Variants in CFAP47 observed in about 807,000 individuals in gnomAD.
The protein encoded by CFAP47 is cilia and flagella associated protein 47.
In CFAP47, 29 loss-of-function variants were observed where a neutral mutation model predicts 148.1. The observed-to-expected ratio is 0.20, with a 90% CI of 0.15 to 0.27. CFAP47 has a LOEUF of 0.27. Ranked by LOEUF, CFAP47 falls within the 10% of genes least tolerant of loss-of-function variation. The pLI is 1.00. For missense variants in CFAP47, 1,872 were observed against 1,697.5 expected (o/e 1.10, Z -1.81); for synonymous variants, 664 against 577.3 (o/e 1.15, Z -2.15).
chrX:36,228,444 A>G (rs1750291813), intron 45 of CFAP47, among the ~76,000 whole-genome samples, 184 bp from the exon 46 acceptor site: 1 of 110,662 alleles, frequency 9.0e-6, no homozygotes, highest in Non-Finnish European at 1.9e-5. Flanking sequence ...CAGTATATAT[A>G]CTCTAATTGA....
chrX:35,935,631 G>C (rs1935900986), intron 2 of CFAP47, among the ~76,000 whole-genome samples: 1 of 107,066 alleles, frequency 9.3e-6, no homozygotes, highest in African/African-American at 3.5e-5. Context: ...AGGGATGATA[G>C]GTGGAGCCTT....
At chrX:36,183,137 C>G (rs5972027) in intron 40 of CFAP47, among the ~76,000 whole-genome samples, 6,724 of 111,478 alleles carry the variant, frequency 0.06, 548 homozygotes, top group African/African-American at 0.21. Flanking sequence ...TGGTGAAACC[C>G]TGTCTCTACT....
chrX:36,021,461 C>T, intron 22 of CFAP47, among the ~76,000 whole-genome samples: 1 of 110,163 alleles, frequency 9.1e-6, no homozygotes, highest in East Asian at 2.9e-4. Context: ...CACCACCATG[C>T]CTGGCTAATT....
chrX:35,987,925 C>T (rs772366289), intron 15 of CFAP47, among the ~76,000 whole-genome samples: 1 of 111,410 alleles, frequency 9.0e-6, no homozygotes, highest in African/African-American at 3.3e-5. Context: ...GGCTTGCCTT[C>T]TGTGGGCTGC....
intron 28 of CFAP47, 59 bp from the exon 29 acceptor site, chrX:36,073,080 A>G: frequency 1.2e-6 from 1 of 809,636 alleles, no homozygotes; most frequent in Non-Finnish European, 1.8e-6. Context: ...ACAATAACTG[A>G]CAGAATATTT....
intron 48 of CFAP47, among the ~76,000 whole-genome samples, chrX:36,244,074 CAAG>C (rs1417760404): frequency 9.0e-6 from 1 of 111,120 alleles, no homozygotes; most frequent in Non-Finnish European, 1.9e-5. Context: ...AAATTAATAT[CAAG>C]AAGATTTCTC....
intron 56 of CFAP47, among the ~76,000 whole-genome samples, chrX:36,312,541 G>A (rs1204809648): frequency 9.9e-5 from 11 of 111,451 alleles, no homozygotes; most frequent in Non-Finnish European, 1.3e-4. Context: ...CATACAAGGC[G>A]TATCAATGGA....
chrX:36,173,560 C>G (rs188572240), intron 39 of CFAP47, among the ~76,000 whole-genome samples: 143 of 111,693 alleles, frequency 1.3e-3, no homozygotes, highest in Non-Finnish European at 2.5e-3. Context: ...GTTATGTACT[C>G]AGTAGTCATT....
chrX:36,042,529 C>G (rs763070854), intron 25 of CFAP47, among the ~76,000 whole-genome samples: 4 of 109,780 alleles, frequency 3.6e-5, no homozygotes, highest in Admixed American at 9.8e-5. Context: ...TAAATTACTA[C>G]TTATAATAAC....
At chrX:36,062,224 A>T (rs1342720205) in intron 26 of CFAP47, among the ~76,000 whole-genome samples, 2 of 111,712 alleles carry the variant, frequency 1.8e-5, no homozygotes, top group Non-Finnish European at 3.8e-5. Flanking sequence ...GATGATAAAT[A>T]TAATATCATG....
chrX:36,304,482 A>G (rs1273156388), intron 54 of CFAP47, among the ~76,000 whole-genome samples: 2 of 111,719 alleles, frequency 1.8e-5, no homozygotes, highest in African/African-American at 6.5e-5. Flanking sequence ...ATAAATTTTT[A>G]AAATTATATA....
At chrX:36,370,988 C>T (rs920680697) in intron 62 of CFAP47, among the ~76,000 whole-genome samples, 2 of 110,974 alleles carry the variant, frequency 1.8e-5, no homozygotes, top group African/African-American at 3.3e-5. Context: ...ATATGTAAAG[C>T]GTTAGTGTAT....
At chrX:36,182,317 C>T (rs1318146874) in intron 40 of CFAP47, among the ~76,000 whole-genome samples, 1 of 111,647 alleles carries the variant, frequency 9.0e-6, no homozygotes, top group African/African-American at 3.3e-5. Context: ...TCTCCATACA[C>T]ATCTAAATAA....
rs149100172 is a variant in CFAP47, at chrX:35,922,546, A to G, written c.249+2498A>G. Among the ~76,000 whole-genome samples the G allele has an allele frequency of 8.0e-4, 90 of 112,816 alleles. No individual in the cohort carries two copies. The East Asian group carries it at 0.024, about 30-fold the overall frequency. ...AGCTTACTTACAAGAAGATAGTCAA[A>G]CCTGATATGTGGACTTCCAACACCC... is the stretch of plus-strand genomic sequence containing the variant. On this transcript the variant is annotated intron_variant, in intron 1 of 63. Transcript: ENST00000378653.
chrX:36,172,449 T>C (rs1423025871), intron 39 of CFAP47, among the ~76,000 whole-genome samples: 1 of 108,001 alleles, frequency 9.3e-6, no homozygotes, highest in Non-Finnish European at 1.9e-5. Flanking sequence ...CATAGATAGC[T>C]CTTATTATTT....
At chrX:35,989,242 C>T in intron 15 of CFAP47, 77 bp from the exon 16 acceptor site, 1 of 785,781 alleles carries the variant, frequency 1.3e-6, no homozygotes, top group Admixed American at 3.0e-5. Context: ...TACCTTAACT[C>T]TTATTTTGGA....
intron 26 of CFAP47, among the ~76,000 whole-genome samples, chrX:36,063,762 T>C (rs1380051570): frequency 9.0e-6 from 1 of 111,517 alleles, no homozygotes; most frequent in Non-Finnish European, 1.9e-5. Flanking sequence ...AAGGAAATGT[T>C]CCCCCCACAA....
At position 36,149,285 on chromosome X, in the gene CFAP47, AT is replaced by A. The variant is rs2053541334; in HGVS notation, c.5786+64del. 5 of 279,926 alleles carry A rather than the reference AT, an allele frequency of 1.8e-5. No individual in the cohort carries two copies. The East Asian group carries it at 2.5e-4, about 14-fold the overall frequency. 23.1% of individuals were successfully genotyped at this position (279,926 alleles called of 1,213,427 possible). On this transcript the variant is annotated intron_variant, in intron 37 of 63. Coordinates refer to ENST00000378653, the MANE Select transcript of CFAP47 (RefSeq NM_001304548.2). ...TCAACCCCAAATATTTAATGTTATAATTATAAAATGTGACTTTGATTTTAAT... is the reference window on the plus strand; with the variant it reads ...TCAACCCCAAATATTTAATGTTATAATATAAAATGTGACTTTGATTTTAAT...
rs782009780 is a variant in CFAP47 at position 36,363,018 on chromosome X, G to C, written c.9023+1517G>C. ...ATGTTATTATTTGTGAAAATGGGCA[G>C]AGCCAATGTGAATTTATACTCATGA... On this transcript the variant is annotated intron_variant, in intron 61 of 63. Transcript: ENST00000378653. Among the ~76,000 whole-genome samples the C allele has an allele frequency of 8.1e-5, 9 of 111,554 alleles. No individual in the cohort carries two copies. The Middle Eastern group carries it at 0.019, about 233-fold the overall frequency.
Sources: gnomAD v4.1 joint callset for allele counts (sites outside exome capture counted in the v4.1 genomes callset) on GRCh38, gnomAD v4.1.1 for gene constraint, MANE v1.5 for transcripts, NCBI Gene and HGNC (gene_info 2026-07-23, HGNC 2026-07-21) for gene names.